ATP8B1: variants seen among roughly 807,000 people sequenced by gnomAD.
ATP8B1 encodes phospholipid-transporting ATPase IC.
A neutral mutation model predicts 149.9 loss-of-function variants in ATP8B1; 80 were observed. The observed-to-expected ratio is 0.53, with a 90% CI of 0.45 to 0.64. The LOEUF is 0.64. ATP8B1 is among the 30% of genes least tolerant of loss of function. The probability of loss-of-function intolerance (pLI) is 0.00; values close to 1 mark genes in which losing one functional copy is unlikely to be tolerated. For missense variants in ATP8B1, 1,247 were observed against 1,552.6 expected, an observed-to-expected ratio of 0.80 and a Z score of 3.31; for synonymous variants, 536 against 562.8, an observed-to-expected ratio of 0.95 and a Z score of 0.67.
chr18:57,764,923 A>C, intron 1 of ATP8B1, among the ~76,000 whole-genome samples: 1 of 152,298 alleles, frequency 6.6e-6, no homozygotes, highest in East Asian at 1.9e-4. Flanking sequence ...GGATCTAGCA[A>C]TCTCACTTCT....
intron 24 of ATP8B1, among the ~76,000 whole-genome samples, chr18:57,653,758 T>C (rs1229749738): frequency 1.4e-5 from 2 of 146,538 alleles, no homozygotes; most frequent in African/African-American, 2.5e-5. Flanking sequence ...ACACCTGGGC[T>C]CAAGTCATAC....
chr18:57,672,552 A>G (rs1158209081), intron 16 of ATP8B1, among the ~76,000 whole-genome samples: 1 of 152,136 alleles, frequency 6.6e-6, no homozygotes, highest in Admixed American at 6.6e-5. Flanking sequence ...TAACATCCCC[A>G]TTAATGAGAC....
At chr18:57,737,786 C>T (rs1362293580) in intron 1 of ATP8B1, 1 of 152,188 alleles carries the variant, frequency 6.6e-6, no homozygotes, top group Non-Finnish European at 1.5e-5. Flanking sequence ...AGACTGTCTC[C>T]AGCCCTTTGA....
chr18:57,654,288 A>C (rs1217371043), intron 23 of ATP8B1, among the ~76,000 whole-genome samples: 1 of 150,478 alleles, frequency 6.6e-6, no homozygotes, highest in African/African-American at 2.4e-5. Flanking sequence ...ATTATAGGCA[A>C]AACTCTATGC....
chr18:57,736,606 G>A (rs1215053648), intron 1 of ATP8B1, among the ~76,000 whole-genome samples: 2 of 145,708 alleles, frequency 1.4e-5, no homozygotes, highest in African/African-American at 5.1e-5. Context: ...GACTACCAGT[G>A]CATGCCACCA....
chr18:57,699,645 C>T (rs1392468924), intron 6 of ATP8B1, among the ~76,000 whole-genome samples: 1 of 152,098 alleles, frequency 6.6e-6, no homozygotes, highest in African/African-American at 2.4e-5. Flanking sequence ...GCTGTGAACC[C>T]GGGAGGCGGA....
chr18:57,732,135 G>GTATATA (rs1231549326), intron 1 of ATP8B1: 1 of 43,516 alleles, frequency 2.3e-5, no homozygotes, highest in Non-Finnish European at 4.5e-5. Context: ...ATGTGTATAT[G>GTATATA]TATATATGTG....
chr18:57,725,938 C>T (rs1568212730), intron 2 of ATP8B1, among the ~76,000 whole-genome samples: 1 of 152,126 alleles, frequency 6.6e-6, no homozygotes. Flanking sequence ...TCCAAGAAAA[C>T]CCTGGGGAAG....
chr18:57,719,642 C>T (rs535908887), intron 2 of ATP8B1, among the ~76,000 whole-genome samples: 1,893 of 152,306 alleles, frequency 0.012, 37 homozygotes, highest in African/African-American at 0.043. Flanking sequence ...GCTAGCACAG[C>T]AGTCTGAGAT....
intron 1 of ATP8B1, among the ~76,000 whole-genome samples, chr18:57,756,653 T>TCTCTCTCTCTC (rs2080087607): frequency 2.7e-5 from 4 of 149,202 alleles, no homozygotes; most frequent in African/African-American, 9.9e-5. Context: ...ATGGTATTCC[T>TCTCTCTCTCTC]TCTCTCTCTC....
intron 1 of ATP8B1, among the ~76,000 whole-genome samples, chr18:57,743,387 C>A (rs1293908882): frequency 2.6e-5 from 4 of 152,176 alleles, no homozygotes; most frequent in Non-Finnish European, 5.9e-5. Flanking sequence ...CACAAGAAAA[C>A]CCTAAGCAAA....
chr18:57,745,408 A>T (rs2079955360), intron 1 of ATP8B1, among the ~76,000 whole-genome samples: 1 of 151,936 alleles, frequency 6.6e-6, no homozygotes, highest in South Asian at 2.1e-4. Flanking sequence ...AGTAGCTGGG[A>T]TTATAGGCAT....
chr18:57,669,493 T>A lies in ATP8B1; in HGVS notation c.1933-11A>T. The A allele has an allele frequency of 6.2e-7, 1 of 1,606,094 alleles. No homozygotes were observed. Among genetic ancestry groups the A allele is most frequent in the South Asian group, 1.1e-5 (1 of 90,638 alleles). On this transcript the variant is annotated splice_polypyrimidine_tract_variant and intron_variant, in intron 17 of 27. Transcript: ENST00000648908. ...TTCATTTGCAAAGATCTGTTTTATT[T>A]AAAAAAATAAATCCACCAATGCAAA...
chr18:57,778,281 A>C (rs1457607207), intron 1 of ATP8B1, among the ~76,000 whole-genome samples: 1 of 142,782 alleles, frequency 7.0e-6, no homozygotes, highest in African/African-American at 2.7e-5. Context: ...GCTGGAGTGC[A>C]GTGGTGCGAT....
At chr18:57,758,648 CA>C (rs66725093) in intron 1 of ATP8B1, among the ~76,000 whole-genome samples, 17,561 of 105,140 alleles carry the variant, frequency 0.17, 1,233 homozygotes, top group East Asian at 0.29. Flanking sequence ...AACTCTGTCT[CA>C]AAAAAAAAAA....
intron 2 of ATP8B1, among the ~76,000 whole-genome samples, chr18:57,709,980 A>G (rs690471): frequency 6.8e-6 from 1 of 147,878 alleles, no homozygotes; most frequent in South Asian, 2.1e-4. Context: ...ATGCCTGGCC[A>G]CTTTTTCTTT....
intron 18 of ATP8B1, 101 bp downstream of exon 18, chr18:57,669,217 A>C: frequency 1.6e-6 from 2 of 1,253,660 alleles, no homozygotes; most frequent in Non-Finnish European, 2.2e-6. Flanking sequence ...CTGAAGTTAC[A>C]ATTATCTCTT....
At chr18:57,762,130 T>C (rs1341723372) in intron 1 of ATP8B1, among the ~76,000 whole-genome samples, 11 of 80,152 alleles carry the variant, frequency 1.4e-4, no homozygotes, top group Non-Finnish European at 2.6e-4. Context: ...CACACACATA[T>C]ATATATATAT....
At chr18:57,800,475 T>G (rs1599254540) in intron 1 of ATP8B1, among the ~76,000 whole-genome samples, 1 of 152,342 alleles carries the variant, frequency 6.6e-6, no homozygotes, top group South Asian at 2.1e-4. Flanking sequence ...TCTCTGGAGT[T>G]GTTAGAATTA....
Sources: gnomAD v4.1 joint callset for allele counts (sites outside exome capture counted in the v4.1 genomes callset) on GRCh38, gnomAD v4.1.1 for gene constraint, MANE v1.5 for transcripts, NCBI Gene and HGNC (gene_info 2026-07-23, HGNC 2026-07-21) for gene names.